The following SPOCK1 variants were observed in gnomAD, a reference collection of about 807,000 sequenced individuals.
The protein encoded by SPOCK1 is testican-1.
A neutral mutation model predicts 55.3 loss-of-function variants in SPOCK1; 23 were observed. The observed-to-expected ratio is 0.42, with a 90% CI of 0.30 to 0.59. The LOEUF (loss-of-function observed/expected upper bound fraction) is 0.59, where lower values mean the gene tolerates loss of function less well. Among genes scored for constraint, SPOCK1 ranks in the 20% least tolerant of loss-of-function variants. SPOCK1 has a pLI of 0.22. For missense variants in SPOCK1, 499 were observed against 552.5 expected (o/e 0.90, Z 0.97); for synonymous variants, 226 against 221.0 (o/e 1.02, Z -0.20).
chr5:137,215,543 AT>A (rs1033818222), intron 3 of SPOCK1, among the ~76,000 whole-genome samples: 8 of 152,220 alleles, frequency 5.3e-5, no homozygotes, highest in Admixed American at 4.6e-4. Context: ...AATTTTACAC[AT>A]TTTTTATACC....
chr5:137,144,889 A>C (rs1006527357), intron 3 of SPOCK1, among the ~76,000 whole-genome samples: 1 of 152,170 alleles, frequency 6.6e-6, no homozygotes, highest in Admixed American at 6.5e-5. Flanking sequence ...TTTCCTGGGG[A>C]CTTGCTCCAA....
chr5:137,370,054 C>T (rs1005510484), intron 2 of SPOCK1, among the ~76,000 whole-genome samples: 4 of 152,094 alleles, frequency 2.6e-5, no homozygotes, highest in African/African-American at 7.3e-5. Context: ...CTAGCTGGCC[C>T]GCTTATTCTG....
intron 2 of SPOCK1, among the ~76,000 whole-genome samples, chr5:137,397,173 A>T (rs562299153): frequency 6.6e-6 from 1 of 152,268 alleles, no homozygotes; most frequent in East Asian, 1.9e-4. Flanking sequence ...CTTACCAAAG[A>T]ACTCATCCAG....
At chr5:137,362,980 G>A (rs544641046) in intron 2 of SPOCK1, among the ~76,000 whole-genome samples, 2 of 152,284 alleles carry the variant, frequency 1.3e-5, no homozygotes, top group African/African-American at 4.8e-5. Context: ...TCAACCCTAG[G>A]TTAGTTTGAC....
At chr5:137,451,154 C>T (rs554900219) in intron 2 of SPOCK1, among the ~76,000 whole-genome samples, 4 of 152,144 alleles carry the variant, frequency 2.6e-5, no homozygotes, top group Non-Finnish European at 4.4e-5. Flanking sequence ...GGGTAGATCA[C>T]CTCTCCCTCC....
chr5:137,464,468 T>A (rs575822334), intron 2 of SPOCK1, among the ~76,000 whole-genome samples: 2 of 151,920 alleles, frequency 1.3e-5, no homozygotes, highest in Admixed American at 6.6e-5. Flanking sequence ...TTAAAAAAAA[T>A]TAAGAATATG....
At chr5:137,088,481 G>A (rs531780998) in intron 5 of SPOCK1, among the ~76,000 whole-genome samples, 1 of 152,240 alleles carries the variant, frequency 6.6e-6, no homozygotes, top group African/African-American at 2.4e-5. Flanking sequence ...CCAGGCACTT[G>A]TAAAGAAAGA....
intron 2 of SPOCK1, among the ~76,000 whole-genome samples, chr5:137,277,811 A>C (rs1238336526): frequency 6.6e-6 from 1 of 152,090 alleles, no homozygotes; most frequent in Non-Finnish European, 1.5e-5. Context: ...CAGCCTCACT[A>C]AGATGGTTTT....
chr5:137,290,841 C>A (rs1429941008), intron 2 of SPOCK1, among the ~76,000 whole-genome samples: 1 of 152,220 alleles, frequency 6.6e-6, no homozygotes, highest in African/African-American at 2.4e-5. Flanking sequence ...CTAGTCTCAA[C>A]CCTGACAGGT....
intron 2 of SPOCK1, among the ~76,000 whole-genome samples, chr5:137,308,576 C>A (rs998295973): frequency 1.3e-5 from 2 of 152,234 alleles, no homozygotes; most frequent in Non-Finnish European, 2.9e-5. Context: ...TACCAGAAGG[C>A]CCTGGCTCCT....
intron 3 of SPOCK1, among the ~76,000 whole-genome samples, chr5:137,218,716 T>A (rs559961480): frequency 2.5e-4 from 38 of 152,280 alleles, no homozygotes; most frequent in Non-Finnish European, 4.1e-4. Flanking sequence ...GCTGCCAGAA[T>A]TGAGTCCTAT....
At position 137,067,840 on chromosome 5, in the gene SPOCK1, G is replaced by C; in HGVS notation, c.475-11C>G. On this transcript the variant is annotated splice_polypyrimidine_tract_variant and intron_variant, in intron 5 of 10. Transcript: ENST00000394945. ...GAACTCCAATTTGCACTGCAAAAGA[G>C]AGACACAACAGGTCTTAAGAATGCA... The C allele has an allele frequency of 6.2e-7, 1 of 1,609,210 alleles. No homozygotes were observed. Among genetic ancestry groups the C allele is most frequent in the Non-Finnish European group, 8.5e-7 (1 of 1,175,588 alleles).
chr5:137,009,041 A>G (rs895886731), intron 6 of SPOCK1, among the ~76,000 whole-genome samples: 5 of 152,204 alleles, frequency 3.3e-5, no homozygotes, highest in African/African-American at 4.8e-5. Flanking sequence ...AGTACTAAAC[A>G]TAACTTTTTA....
chr5:137,177,274 G>A (rs887086390), intron 3 of SPOCK1, among the ~76,000 whole-genome samples: 1 of 152,134 alleles, frequency 6.6e-6, no homozygotes, highest in Non-Finnish European at 1.5e-5. Flanking sequence ...TGAAATCAGG[G>A]CAACTTCAGC....
rs1456892360 is a variant in SPOCK1, at chr5:137,122,243, ACACACACACACACG to A, written c.348-9696_348-9683del. Among the ~76,000 whole-genome samples, 205 of 119,940 alleles carry A rather than the reference ACACACACACACACG, an allele frequency of 1.7e-3. 1 individual carries two copies. The highest frequency in any genetic ancestry group is 6.7e-3 in the African/African-American group (170 of 25,302). 78.7% of individuals were successfully genotyped at this position (119,940 alleles called of 152,430 possible). On this transcript the variant is annotated intron_variant, in intron 4 of 10. Transcript: ENST00000394945. The stretch of plus-strand genomic sequence containing the variant: ...GGCCTGCATGCAAAAGCAGTTATAC[ACACACACACACACG>A]CACACACACACACACACACACACAG...
At chr5:137,477,138 T>C (rs1267897035) in intron 2 of SPOCK1, among the ~76,000 whole-genome samples, 1 of 152,148 alleles carries the variant, frequency 6.6e-6, no homozygotes, top group African/African-American at 2.4e-5. Context: ...AAAGAAATAC[T>C]AGGCAGTCAT....
intron 2 of SPOCK1, among the ~76,000 whole-genome samples, chr5:137,400,840 C>T (rs547978358): frequency 9.9e-5 from 15 of 152,252 alleles, no homozygotes; most frequent in East Asian, 7.7e-4. Flanking sequence ...AGGAAAAGTG[C>T]GGATCAGAGA....
At chr5:137,277,818 T>C (rs1757096894) in intron 2 of SPOCK1, among the ~76,000 whole-genome samples, 1 of 152,152 alleles carries the variant, frequency 6.6e-6, no homozygotes, top group Non-Finnish European at 1.5e-5. Flanking sequence ...ACTAAGATGG[T>C]TTTCTGGGAA....
At chr5:136,979,004 A>T (rs995659006) in intron 10 of SPOCK1, among the ~76,000 whole-genome samples, 160 bp from the exon 11 acceptor site, 1 of 152,202 alleles carries the variant, frequency 6.6e-6, no homozygotes, top group Non-Finnish European at 1.5e-5. Flanking sequence ...GGCATACATT[A>T]CAAACTTTGT....
Sources: allele counts gnomAD v4.1 joint callset (sites outside exome capture counted in the v4.1 genomes callset), GRCh38; gene constraint gnomAD v4.1.1; transcripts MANE v1.5; gene names NCBI Gene and HGNC (gene_info 2026-07-23, HGNC 2026-07-21).